The following ACLY variants were observed in gnomAD, a reference collection of about 807,000 sequenced individuals.
ACLY encodes ATP-citrate synthase.
A neutral mutation model predicts 133.0 loss-of-function variants in ACLY; 41 were observed. That is an observed-to-expected ratio of 0.31 (90% CI 0.24 to 0.40). ACLY has a LOEUF of 0.40. ACLY is among the 10% of genes least tolerant of loss of function. ACLY has a pLI of 1.00. For synonymous variants in ACLY, 495 were observed against 549.3 expected (o/e 0.90, Z 1.38); for missense variants, 1,046 against 1,453.8 (o/e 0.72, Z 4.56).
Position 41,892,441 on chromosome 17 carries a change from G to T in ACLY, c.1608C>A (p.Asp536Glu), listed in dbSNP as rs1555629535. 6.2e-7 allele frequency: 1 copy of T among 1,613,290 alleles called. No individual in the cohort carries two copies. The highest frequency in any genetic ancestry group is 8.5e-7 in the Non-Finnish European group (1 of 1,179,700). The change falls in exon 16 of 29, where the codon GAC becomes GAA. Residue 536 changes from aspartate to glutamate, a missense_variant. Coordinates refer to ENST00000352035, the MANE Select transcript of ACLY (RefSeq NM_001096.3). Reference sequence around the variant, plus strand: ...GCCCCCAGTAAAACTTCTGCTTGTGGTCCCCACTGTGAGAAAGTAAAAGAA... The same window carrying T: ...GCCCCCAGTAAAACTTCTGCTTGTGTTCCCCACTGTGAGAAAGTAAAAGAA... ...VAAMVYPFTG[D>E]HKQKFYWGHK... is the part of the protein sequence containing the mutation.
chr17:41,871,927 G>A (rs1187004092), intron 24 of ACLY, 95 bp from the exon 25 acceptor site: 2 of 1,593,826 alleles, frequency 1.3e-6, no homozygotes, highest in African/African-American at 1.3e-5. Flanking sequence ...CCTGAGCACT[G>A]GGTTTTACAC....
Position 41,904,715 on chromosome 17 carries a change from G to GT in ACLY, c.1065+13dup. On this transcript the variant is annotated intron_variant, in intron 10 of 28. Coordinates refer to ENST00000352035, the MANE Select transcript of ACLY (RefSeq NM_001096.3). The stretch of plus-strand genomic sequence containing the variant: ...CACTTTCCCCAGAAACTGCACCACT[G>GT]TTGCAACTGTTACCTTGAACGTGGC... The GT allele has an allele frequency of 6.2e-7, 1 of 1,612,572 alleles. No homozygotes were observed. The highest frequency in any genetic ancestry group is 8.5e-7 in the Non-Finnish European group (1 of 1,178,668).
intron 17 of ACLY, 144 bp downstream of exon 17, chr17:41,887,455 T>C (rs2049084718): frequency 4.5e-6 from 3 of 666,598 alleles, no homozygotes; most frequent in Non-Finnish European, 7.8e-6. Flanking sequence ...AAGCTAAAAA[T>C]GGACAGACTG....
At position 41,892,348 on chromosome 17, in the gene ACLY, A is replaced by G. The variant is rs1555629503; in HGVS notation, c.1701T>C (p.Asp567=). ...GGAGAGAGGCAAAGTTGATGAGCAC[A>G]TCTACCTCCGGATGCTTCCTCATGG... The part of the protein sequence containing the change: ...ADAMRKHPEV[D]VLINFASLRS... The change falls in exon 16 of 29, where the codon GAT becomes GAC. Residue 567 remains aspartate, a synonymous_variant. Transcript: ENST00000352035. 7.4e-6 allele frequency: 12 copies of G among 1,612,266 alleles called. No individual in the cohort carries two copies. The highest frequency in any genetic ancestry group is 1.7e-5 in the Admixed American group (1 of 59,686).
Position 41,886,086 on chromosome 17 carries a change from C to A in ACLY, c.2072+26G>T, listed in dbSNP as rs782388321. 5.0e-6 allele frequency: 8 copies of A among 1,601,906 alleles called. 1 individual carries two copies. In the South Asian group the frequency reaches 8.8e-5, roughly 18 times the overall value. ...GCCCACTGCTCTCAAAGCAGGAAGC[C>A]CCTCCTTGGCTTCCCAGCTGATTAC... On this transcript the variant is annotated intron_variant, in intron 18 of 28. Transcript: ENST00000352035.
chr17:41,891,460 T>C (rs2049209754), intron 16 of ACLY, among the ~76,000 whole-genome samples: 1 of 152,138 alleles, frequency 6.6e-6, no homozygotes, highest in Non-Finnish European at 1.5e-5. Flanking sequence ...TGAAGTGCAG[T>C]GGTGTGATCA....
chr17:41,909,425 C>A, intron 5 of ACLY, 85 bp downstream of exon 5: 1 of 1,451,858 alleles, frequency 6.9e-7, no homozygotes, highest in East Asian at 2.3e-5. Context: ...AGAGAGGAGA[C>A]CGCTCTGCTC....
chr17:41,925,416 G>A (rs1383042665), intron 1 of ACLY, among the ~76,000 whole-genome samples: 1 of 137,994 alleles, frequency 7.2e-6, no homozygotes, highest in Non-Finnish European at 1.5e-5. Flanking sequence ...GGGCAACATT[G>A]CAAAACACCT....
At chr17:41,869,013 A>C in intron 27 of ACLY, 30 bp downstream of exon 27, 2 of 1,565,276 alleles carry the variant, frequency 1.3e-6, no homozygotes, top group Non-Finnish European at 1.7e-6. Flanking sequence ...CAACAAACGT[A>C]ATGAAGAAGA....
chr17:41,867,710 C>T lies in ACLY; in HGVS notation c.*100G>A. The T allele has an allele frequency of 3.3e-6, 3 of 911,928 alleles. No homozygotes were observed. The highest frequency in any genetic ancestry group is 3.6e-5 in the South Asian group (2 of 55,188). The allele number at this position is 911,928 out of a possible 1,614,324, so 56.5% of individuals were successfully genotyped here. A position where few individuals can be genotyped will look rare whatever the true frequency, so the allele number is the denominator to read the frequency against. The stretch of plus-strand genomic sequence containing the variant: ...CCAGTGGCTGTTTACATTCCAGGCC[C>T]CTGCTAAATAAAGCAGGCTCCACTG... On this transcript the variant is annotated 3_prime_UTR_variant, in exon 29 of 29. Transcript: ENST00000352035.
At chr17:41,888,584 G>C (rs2049115938) in intron 16 of ACLY, among the ~76,000 whole-genome samples, 1 of 152,112 alleles carries the variant, frequency 6.6e-6, no homozygotes, top group Admixed American at 6.5e-5. Context: ...TTCTGTAAAG[G>C]GTCAAGATAG....
chr17:41,916,119 G>A (rs1253774113), intron 1 of ACLY, among the ~76,000 whole-genome samples: 3 of 152,160 alleles, frequency 2.0e-5, no homozygotes, highest in Non-Finnish European at 4.4e-5. Flanking sequence ...CATCTCCATA[G>A]GGTCTTTGGA....
At chr17:41,896,829 C>T (rs929516845) in intron 13 of ACLY, among the ~76,000 whole-genome samples, 180 bp from the exon 14 acceptor site, 1 of 152,140 alleles carries the variant, frequency 6.6e-6, no homozygotes, top group Non-Finnish European at 1.5e-5. Flanking sequence ...GTGAAAGCAC[C>T]GATGAGCAGA....
chr17:41,896,638 T>G lies in ACLY; in HGVS notation c.1441A>C (p.Ser481Arg). 6.4e-7 allele frequency: 1 copy of G among 1,571,964 alleles called. No individual in the cohort carries two copies. Among genetic ancestry groups the G allele is most frequent in the African/African-American group, 1.4e-5 (1 of 73,522 alleles). Reference protein sequence around the residue: ...KPAMPQDSVPSPRSLQGKSTT... With the variant: ...KPAMPQDSVPRPRSLQGKSTT... ...ATCCTACCTTGCAGGGATCTTGGAC[T>G]TGGGACTGAATCTGTCAAAGAAAAT... Residue 481 changes from serine to arginine, a missense_variant, in exon 14 of 29, where the codon AGT becomes CGT. Ser to Arg is a moderately radical substitution (Grantham distance 110). Transcript: ENST00000352035.
At chr17:41,899,259 AGAGT>A (rs1359030898) in intron 11 of ACLY, among the ~76,000 whole-genome samples, 32 of 152,018 alleles carry the variant, frequency 2.1e-4, no homozygotes, top group African/African-American at 7.2e-4. Context: ...CCTGGGTGAC[AGAGT>A]GAGACTCTTG....
At chr17:41,869,622 A>C in intron 25 of ACLY, 35 bp from the exon 26 acceptor site, 137 of 1,531,158 alleles carry the variant, frequency 8.9e-5, no homozygotes, top group Middle Eastern at 1.7e-4. Flanking sequence ...AGGAACACTC[A>C]CACACTGCTG....
In ACLY at chr17:41,909,799, A is replaced by T. The variant is rs938135959; in HGVS notation, c.346-99T>A. On this transcript the variant is annotated intron_variant, in intron 4 of 28. Transcript: ENST00000352035. Reference sequence around the variant, plus strand: ...AAGATGGTCTACCATGTACTGGGAGAGGAAACCAATCCCCACGGTCTCATT... The same window carrying T: ...AAGATGGTCTACCATGTACTGGGAGTGGAAACCAATCCCCACGGTCTCATT... The T allele has an allele frequency of 1.1e-5, 12 of 1,049,266 alleles. No homozygotes were observed. In the African/African-American group the frequency reaches 1.4e-4, roughly 13 times the overall value. 65.0% of individuals were successfully genotyped at this position (1,049,266 alleles called of 1,614,324 possible).
intron 1 of ACLY, among the ~76,000 whole-genome samples, chr17:41,927,563 T>C (rs1274631065): frequency 6.6e-6 from 1 of 152,156 alleles, no homozygotes; most frequent in Non-Finnish European, 1.5e-5. Context: ...CAGTGGCTCA[T>C]GCCTGTAATC....
chr17:41,898,485 A>C (rs2049435476), intron 12 of ACLY, 146 bp downstream of exon 12: 5 of 1,098,776 alleles, frequency 4.6e-6, no homozygotes, highest in Non-Finnish European at 6.3e-6. Flanking sequence ...GACAGGAAAA[A>C]AATTGGCAGA....
Sources: gnomAD v4.1 joint callset for allele counts (sites outside exome capture counted in the v4.1 genomes callset) on GRCh38, gnomAD v4.1.1 for gene constraint, MANE v1.5 for transcripts, NCBI Gene and HGNC (gene_info 2026-07-23, HGNC 2026-07-21) for gene names.